Variants in SLC39A10 observed in about 807,000 individuals in gnomAD.
The protein encoded by SLC39A10 is zinc transporter ZIP10.
Under a neutral mutation model 65.1 loss-of-function variants are expected in SLC39A10, and 13 were observed. That is an observed-to-expected ratio of 0.20 (90% CI 0.13 to 0.32). The LOEUF (loss-of-function observed/expected upper bound fraction) is 0.32. Among genes scored for constraint, SLC39A10 ranks in the 10% least tolerant of loss-of-function variants. SLC39A10 has a pLI of 1.00. For missense variants in SLC39A10, 831 were observed against 1,018.4 expected (o/e 0.82, Z 2.50); for synonymous variants, 321 against 342.2 (o/e 0.94, Z 0.68).
chr2:195,708,156 A>G (rs1691474705), intron 4 of SLC39A10, among the ~76,000 whole-genome samples: 1 of 152,190 alleles, frequency 6.6e-6, no homozygotes, highest in Admixed American at 6.5e-5. Context: ...TCCCCCTGAC[A>G]TAAGTTGACC....
At chr2:195,641,985 C>T (rs1688819302) in intron 2 of SLC39A10, among the ~76,000 whole-genome samples, 1 of 152,174 alleles carries the variant, frequency 6.6e-6, no homozygotes, top group South Asian at 2.1e-4. Flanking sequence ...AGCCACTGTG[C>T]CTGGCCTGAT....
chr2:195,694,492 C>A (rs1370305731), intron 3 of SLC39A10, among the ~76,000 whole-genome samples: 1 of 152,126 alleles, frequency 6.6e-6, no homozygotes, highest in African/African-American at 2.4e-5. Flanking sequence ...TAGGGGAGAC[C>A]TGAGCTACAG....
intron 3 of SLC39A10, among the ~76,000 whole-genome samples, chr2:195,686,571 T>G (rs1392857784): frequency 6.6e-6 from 1 of 152,122 alleles, no homozygotes; most frequent in Non-Finnish European, 1.5e-5. Context: ...AACAAAAACC[T>G]ATGTTTATTG....
intron 2 of SLC39A10, among the ~76,000 whole-genome samples, chr2:195,640,341 A>G (rs1424611288): frequency 3.1e-5 from 1 of 31,746 alleles, no homozygotes. Context: ...GCATTAAAAG[A>G]AAAAAAAAAA....
chr2:195,622,920 C>T (rs528230489), intron 2 of SLC39A10, among the ~76,000 whole-genome samples: 51 of 140,196 alleles, frequency 3.6e-4, no homozygotes, highest in Non-Finnish European at 5.6e-4. Flanking sequence ...TGCAGTGAGC[C>T]GAGATGGCGC....
At chr2:195,715,297 G>T (rs1247876768) in intron 6 of SLC39A10, among the ~76,000 whole-genome samples, 1 of 151,918 alleles carries the variant, frequency 6.6e-6, no homozygotes, top group Non-Finnish European at 1.5e-5. Flanking sequence ...GGAGGCCAAG[G>T]TGGGCAGATC....
intron 1 of SLC39A10, among the ~76,000 whole-genome samples, chr2:195,664,520 A>T (rs1689557785): frequency 6.6e-6 from 1 of 152,194 alleles, no homozygotes; most frequent in Admixed American, 6.5e-5. Context: ...GATCAAAATA[A>T]AAAGGAACAG....
chr2:195,727,078 AT>A lies in SLC39A10; in HGVS notation c.2147-1074del, dbSNP rs533072228. On this transcript the variant is annotated intron_variant, in intron 8 of 9. Coordinates refer to ENST00000359634, the MANE Select transcript of SLC39A10 (RefSeq NM_020342.3). ...TTCCACTGACACTTCTCTGAGCAAT[AT>A]TTTTTTCCCCCTAATGTTCCAACTT... is the stretch of plus-strand genomic sequence containing the variant. 2.7e-3 allele frequency among the ~76,000 whole-genome samples: 406 copies of A among 151,616 alleles called. 2 individuals are homozygous for A. Among genetic ancestry groups the A allele is most frequent in the African/African-American group, 9.0e-3 (372 of 41,296 alleles).
Position 195,680,052 on chromosome 2 carries a change from C to T in SLC39A10, c.10C>T (p.His4Tyr). The change falls in exon 2 of 10, where the codon CAT becomes TAT. Residue 4 changes from histidine to tyrosine, a missense_variant. Physicochemically the swap from His to Tyr is moderately conservative, Grantham distance 83. Coordinates refer to ENST00000359634, the MANE Select transcript of SLC39A10 (RefSeq NM_020342.3). ...TTTAGGAAAAATAGAAATGAAGGTA[C>T]ATATGCACACAAAATTTTGCCTCAT... MKV[H>Y]MHTKFCLICL... 1.2e-6 allele frequency: 2 copies of T among 1,601,140 alleles called. No homozygotes were observed. Among genetic ancestry groups the T allele is most frequent in the South Asian group, 1.1e-5 (1 of 87,368 alleles).
At chr2:195,675,804 A>G (rs1690062454) in intron 1 of SLC39A10, among the ~76,000 whole-genome samples, 1 of 152,192 alleles carries the variant, frequency 6.6e-6, no homozygotes, top group Non-Finnish European at 1.5e-5. Flanking sequence ...TGGGGGCTGT[A>G]GAGTGTGTTC....
chr2:195,623,773 GC>G lies in SLC39A10; in HGVS notation c.-12+17542del, dbSNP rs1456972097. ...TTTTTCTCAGCAACTTGCTTTTTAA[GC>G]CTTTGAAAATGAGAGCCTGAAAACA... is the stretch of plus-strand genomic sequence containing the variant. On this transcript the variant is annotated intron_variant, in intron 2 of 2. Coordinates refer to the SLC39A10 transcript ENST00000458054. Among the ~76,000 whole-genome samples, 15 of 151,880 alleles carry G rather than the reference GC, an allele frequency of 9.9e-5. No homozygotes were observed. The South Asian group carries it at 3.1e-3, about 32-fold the overall frequency.
At chr2:195,689,178 G>A (rs144155198) in intron 3 of SLC39A10, among the ~76,000 whole-genome samples, 1 of 152,288 alleles carries the variant, frequency 6.6e-6, no homozygotes, top group East Asian at 1.9e-4. Flanking sequence ...GACAGTCTGA[G>A]GCAAGAGCAT....
intron 2 of SLC39A10, among the ~76,000 whole-genome samples, chr2:195,624,684 G>C (rs542129115): frequency 6.6e-6 from 1 of 151,318 alleles, no homozygotes; most frequent in South Asian, 2.1e-4. Flanking sequence ...AGACCTGCCT[G>C]GCCAACATGG....
chr2:195,636,709 C>T (rs990984096), intron 2 of SLC39A10, among the ~76,000 whole-genome samples: 3 of 151,850 alleles, frequency 2.0e-5, no homozygotes, highest in Non-Finnish European at 4.4e-5. Context: ...GCCTAGATCG[C>T]GCCACTGCAC....
At chr2:195,718,510 T>A in intron 8 of SLC39A10, among the ~76,000 whole-genome samples, 178 bp downstream of exon 8, 1 of 152,150 alleles carries the variant, frequency 6.6e-6, no homozygotes, top group Non-Finnish European at 1.5e-5. Context: ...CTCCTTAAGA[T>A]TGATGAAATG....
At chr2:195,706,287 C>T (rs1691393556) in intron 3 of SLC39A10, among the ~76,000 whole-genome samples, 1 of 151,030 alleles carries the variant, frequency 6.6e-6, no homozygotes, top group Non-Finnish European at 1.5e-5. Flanking sequence ...TGTTGTGGCT[C>T]TGCCTTTAGA....
rs1403590818 is a variant in SLC39A10 at position 195,726,747 on chromosome 2, T to TA, written c.2147-1411dup. On this transcript the variant is annotated intron_variant, in intron 8 of 9. Coordinates refer to ENST00000359634, the MANE Select transcript of SLC39A10 (RefSeq NM_020342.3). ...TTCTTTATTGTTAACTTCTCCTTGT[T>TA]ATAGACTATGAACCTTGTAACCATG... 2.0e-5 allele frequency among the ~76,000 whole-genome samples: 3 copies of TA among 152,328 alleles called. No individual in the cohort carries two copies. In the East Asian group the frequency reaches 5.8e-4, roughly 29 times the overall value.
rs148471580 is a variant in SLC39A10 at position 195,728,560 on chromosome 2, TTAAA to T, written c.2337+215_2337+218del. Among the ~76,000 whole-genome samples, 4,640 of 152,318 alleles carry T rather than the reference TTAAA, an allele frequency of 0.03. 89 individuals carry two copies. The highest frequency in any genetic ancestry group is 0.054 in the Middle Eastern group (16 of 294). ...AAATGTCTGTCCATCATGTTACTAT[TTAAA>T]TAATCATTAGTAGTAGAGTTATAAT... On this transcript the variant is annotated intron_variant, in intron 9 of 9. Coordinates refer to ENST00000359634, the MANE Select transcript of SLC39A10 (RefSeq NM_020342.3). The surrounding 1 kb of genome is among the most constrained non-coding windows in gnomAD (Gnocchi z 4.4).
In SLC39A10 at chr2:195,731,403, T is replaced by C. The variant is rs541407113; in HGVS notation, c.2337+3054T>C. ...ACATTTCATATCCTCTATCCCTGCTTTACTTTTTCTCCTTTGTACGTGTAT... is the reference window on the plus strand; with the variant it reads ...ACATTTCATATCCTCTATCCCTGCTCTACTTTTTCTCCTTTGTACGTGTAT... On this transcript the variant is annotated intron_variant, in intron 9 of 9. Transcript: ENST00000359634. Among the ~76,000 whole-genome samples the C allele has an allele frequency of 1.1e-3, 166 of 152,312 alleles. 2 individuals carry two copies. The highest frequency in any genetic ancestry group is 3.8e-3 in the African/African-American group (158 of 41,576).
Sources: gnomAD v4.1 joint callset for allele counts (sites outside exome capture counted in the v4.1 genomes callset) on GRCh38, gnomAD v4.1.1 for gene constraint, Gnocchi (gnomAD v3.1) non-coding constraint, MANE v1.5 for transcripts, NCBI Gene and HGNC (gene_info 2026-07-23, HGNC 2026-07-21) for gene names.